The following ASB5 variants were observed in gnomAD, a reference collection of about 807,000 sequenced individuals.
ASB5 encodes the protein ankyrin repeat and SOCS box protein 5.
ASB5 carries 45 observed loss-of-function variants against 42.1 expected under a neutral mutation model. That is an observed-to-expected ratio of 1.07 (90% CI 0.84 to 1.37). The LOEUF (loss-of-function observed/expected upper bound fraction) is 1.37. Ranked by LOEUF, ASB5 falls within the 40% of genes most tolerant of loss-of-function variation. The probability of loss-of-function intolerance (pLI) is 0.00; values close to 1 mark genes in which losing one functional copy is unlikely to be tolerated. For synonymous variants in ASB5, 147 were observed against 150.6 expected, an observed-to-expected ratio of 0.98 and a Z score of 0.18; for missense variants, 402 against 399.8, an observed-to-expected ratio of 1.01 and a Z score of -0.05.
intron 1 of ASB5, among the ~76,000 whole-genome samples, chr4:176,234,053 C>A (rs759172479): frequency 6.6e-6 from 1 of 152,182 alleles, no homozygotes; most frequent in Non-Finnish European, 1.5e-5. Context: ...TCAGCCTCCA[C>A]CACTATACCC....
chr4:176,223,659 C>T (rs1028102017), intron 2 of ASB5, among the ~76,000 whole-genome samples: 1 of 152,124 alleles, frequency 6.6e-6, no homozygotes, highest in Non-Finnish European at 1.5e-5. Flanking sequence ...AAAACATAAT[C>T]CTTTCAAAGA....
chr4:176,268,235 G>A (rs755118276), intron 1 of ASB5, among the ~76,000 whole-genome samples: 1 of 152,004 alleles, frequency 6.6e-6, no homozygotes, highest in Non-Finnish European at 1.5e-5. Flanking sequence ...TTTCTCATTT[G>A]GTTTCATACT....
intron 2 of ASB5, among the ~76,000 whole-genome samples, chr4:176,274,669 G>C (rs1754533547): frequency 6.6e-6 from 1 of 152,118 alleles, no homozygotes; most frequent in Admixed American, 6.5e-5. Context: ...GCCCTGTGTG[G>C]GTTATAAATA....
rs1475805519 is a variant in ASB5, at chr4:176,218,750, T to C, written c.671-1741A>G. On this transcript the variant is annotated intron_variant, in intron 5 of 6. Coordinates refer to ENST00000296525, the MANE Select transcript of ASB5 (RefSeq NM_080874.4). ...TTTGTATGATATATAAATATATATA[T>C]TTGTATGATATATAAATATATATAT... Among the ~76,000 whole-genome samples the C allele has an allele frequency of 1.4e-3, 42 of 30,086 alleles. 11 individuals are homozygous for C. The highest frequency in any genetic ancestry group is 1.2e-3 in the Admixed American group (2 of 1,610). The allele number at this position is 30,086 out of a possible 152,430, so 19.7% of individuals were successfully genotyped here. A position where few individuals can be genotyped will look rare whatever the true frequency, so the allele number is the denominator to read the frequency against.
chr4:176,224,956 G>A (rs1753334978), intron 2 of ASB5, among the ~76,000 whole-genome samples: 2 of 152,210 alleles, frequency 1.3e-5, no homozygotes, highest in African/African-American at 2.4e-5. Flanking sequence ...ATATTGTGCA[G>A]AGTTAAGCAT....
chr4:176,236,771 T>G (rs1200102812), intron 1 of ASB5, among the ~76,000 whole-genome samples: 1 of 152,166 alleles, frequency 6.6e-6, no homozygotes, highest in East Asian at 1.9e-4. Context: ...CTTATGCAAA[T>G]GTATGGATAT....
At chr4:176,246,946 C>A (rs187505957) in intron 1 of ASB5, among the ~76,000 whole-genome samples, 12 of 152,212 alleles carry the variant, frequency 7.9e-5, no homozygotes, top group South Asian at 4.2e-4. Flanking sequence ...TAAAAAATCC[C>A]TATAGAACCC....
intron 1 of ASB5, among the ~76,000 whole-genome samples, chr4:176,256,420 T>G (rs1754158494): frequency 6.6e-6 from 1 of 152,172 alleles, no homozygotes; most frequent in Non-Finnish European, 1.5e-5. Flanking sequence ...AGTGGCCTGG[T>G]AAAGGGGCAA....
At chr4:176,247,731 T>G (rs1266459972) in intron 1 of ASB5, among the ~76,000 whole-genome samples, 1 of 152,180 alleles carries the variant, frequency 6.6e-6, no homozygotes, top group East Asian at 1.9e-4. Flanking sequence ...TACCTTGAAG[T>G]GCCAAAAGAT....
intron 1 of ASB5, among the ~76,000 whole-genome samples, chr4:176,262,611 C>A (rs1213684061): frequency 6.6e-6 from 1 of 152,182 alleles, no homozygotes. Flanking sequence ...TGTAAAATAG[C>A]AATTTCCATG....
intron 3 of ASB5, among the ~76,000 whole-genome samples, chr4:176,221,813 G>A (rs540114501): frequency 1.3e-5 from 2 of 152,226 alleles, no homozygotes; most frequent in South Asian, 2.1e-4. Context: ...ATTGGAATGG[G>A]CATAAAACTA....
intron 1 of ASB5, among the ~76,000 whole-genome samples, chr4:176,247,966 C>T (rs1365993016): frequency 1.3e-5 from 2 of 152,100 alleles, no homozygotes; most frequent in Non-Finnish European, 2.9e-5. Context: ...AGGGGGAAGA[C>T]AGATGGCCTG....
intron 3 of ASB5, among the ~76,000 whole-genome samples, chr4:176,222,040 T>G (rs1753229037): frequency 6.6e-6 from 1 of 152,174 alleles, no homozygotes; most frequent in Admixed American, 6.5e-5. Flanking sequence ...GTTATAGACC[T>G]AAAGATGTTC....
At chr4:176,254,601 G>T (rs2603095) in intron 1 of ASB5, among the ~76,000 whole-genome samples, 102,586 of 151,514 alleles carry the variant, frequency 0.68, 35,200 homozygotes, top group Middle Eastern at 0.75. Context: ...AACTATTAAC[G>T]GAGTAAACAA....
At chr4:176,256,754 C>CA (rs1378544154) in intron 1 of ASB5, among the ~76,000 whole-genome samples, 1 of 152,074 alleles carries the variant, frequency 6.6e-6, no homozygotes, top group Admixed American at 6.5e-5. Flanking sequence ...GCCTGGGCAA[C>CA]ATGGTGAAAC....
At chr4:176,243,988 A>G (rs1241127700) in intron 1 of ASB5, among the ~76,000 whole-genome samples, 2 of 152,178 alleles carry the variant, frequency 1.3e-5, no homozygotes, top group African/African-American at 4.8e-5. Flanking sequence ...GAACATTGTA[A>G]TCTTTTAACT....
chr4:176,226,570 G>A (rs983411581), intron 1 of ASB5, among the ~76,000 whole-genome samples: 2 of 151,984 alleles, frequency 1.3e-5, no homozygotes, highest in African/African-American at 4.8e-5. Context: ...ATGTATCTAG[G>A]TATCTATCTA....
At chr4:176,264,917 CTA>C (rs1256637017) in intron 1 of ASB5, among the ~76,000 whole-genome samples, 1 of 151,856 alleles carries the variant, frequency 6.6e-6, no homozygotes, top group East Asian at 1.9e-4. Context: ...TGTTGTCATT[CTA>C]TGTTTTCTGT....
intron 1 of ASB5, among the ~76,000 whole-genome samples, chr4:176,258,634 T>C (rs1754200775): frequency 6.6e-6 from 1 of 152,154 alleles, no homozygotes; most frequent in Non-Finnish European, 1.5e-5. Context: ...TCATGAGCCT[T>C]AGGTTAATTA....
Sources: allele counts gnomAD v4.1 joint callset (sites outside exome capture counted in the v4.1 genomes callset), GRCh38; gene constraint gnomAD v4.1.1; transcripts MANE v1.5; gene names NCBI Gene and HGNC (gene_info 2026-07-23, HGNC 2026-07-21).